PLA2G2D: variants seen among roughly 807,000 people sequenced by gnomAD.
The protein encoded by PLA2G2D is group IID secretory phospholipase A2.
In PLA2G2D, 17 loss-of-function variants were observed where a neutral mutation model predicts 13.9. The observed-to-expected ratio is 1.23, with a 90% CI of 0.84 to 1.84. The LOEUF is 1.84. Among genes scored for constraint, PLA2G2D ranks in the 40% most tolerant of loss-of-function variants. The pLI, the probability that PLA2G2D is intolerant of heterozygous loss-of-function variation, is 0.00. For synonymous variants in PLA2G2D, 83 were observed against 69.3 expected (o/e 1.20, Z -0.98); for missense variants, 194 against 178.7 (o/e 1.09, Z -0.49).
chr1:20,116,309 T>G (rs1218191971), intron 2 of PLA2G2D, 24 bp downstream of exon 2: 1 of 1,612,638 alleles, frequency 6.2e-7, no homozygotes, highest in Non-Finnish European at 8.5e-7. Flanking sequence ...AGTATAGGAT[T>G]GCCAGCCCTG....
At chr1:20,118,955 A>T (rs1323621349) in intron 1 of PLA2G2D, among the ~76,000 whole-genome samples, 2 of 152,216 alleles carry the variant, frequency 1.3e-5, no homozygotes, top group African/African-American at 4.8e-5. Flanking sequence ...TGAGGACAAA[A>T]AGGCCAATTT....
chr1:20,114,830 A>G (rs1569869306), intron 3 of PLA2G2D, among the ~76,000 whole-genome samples: 3 of 152,218 alleles, frequency 2.0e-5, no homozygotes, highest in South Asian at 4.1e-4. Context: ...CACTTAGCCT[A>G]TAGTAAGTGC....
rs1479187812 is a variant in PLA2G2D, at chr1:20,112,023, G to C, written c.*2091C>G. ...ACTCTGTTGCCCAGGCTGGAGTGCA[G>C]TGTCGCGATCTGGGCTCACTGAAAC... is the stretch of plus-strand genomic sequence containing the variant. On this transcript the variant is annotated 3_prime_UTR_variant, in exon 4 of 4. Transcript: ENST00000375105. The C allele has an allele frequency of 2.0e-5, 3 of 151,106 alleles. No individual in the cohort carries two copies. The highest frequency in any genetic ancestry group is 2.9e-5 in the Non-Finnish European group (2 of 67,912). 9.4% of individuals were successfully genotyped at this position (151,106 alleles called of 1,614,324 possible).
chr1:20,115,574 C>T lies in PLA2G2D; in HGVS notation c.225G>A (p.Lys75=), dbSNP rs2016969648. The part of the protein sequence containing the change: ...QTHDCCYDHL[K]TQGCSIYKDY... The stretch of plus-strand genomic sequence containing the variant: ...CCTTGTAGATGCTGCACCCCTGGGT[C>T]TTCAGGTGGTCATAGCAGCAGTCAT... Residue 75 remains lysine (K), a synonymous_variant, in exon 3 of 4, where the codon AAG becomes AAA. Coordinates refer to ENST00000375105, the MANE Select transcript of PLA2G2D (RefSeq NM_012400.4). The T allele has an allele frequency of 6.2e-7, 1 of 1,613,118 alleles. No individual in the cohort carries two copies. Among genetic ancestry groups the T allele is most frequent in the African/African-American group, 1.3e-5 (1 of 74,998 alleles).
chr1:20,117,654 G>A (rs998325546), intron 1 of PLA2G2D, among the ~76,000 whole-genome samples: 10 of 152,134 alleles, frequency 6.6e-5, no homozygotes, highest in African/African-American at 2.4e-4. Context: ...AGCTGTGCCT[G>A]TGTGCAACTC....
chr1:20,115,702 C>T, intron 2 of PLA2G2D, 89 bp from the exon 3 acceptor site: 2 of 836,024 alleles, frequency 2.4e-6, no homozygotes, highest in Non-Finnish European at 2.1e-6. Context: ...CCCGTGTCCC[C>T]ACCTGGGAAG....
chr1:20,115,593 C>G lies in PLA2G2D; in HGVS notation c.206G>C (p.Cys69Ser). ...CTGGGTCTTCAGGTGGTCATAGCAG[C>G]AGTCATGGGTCTGGCAGCACCTGGA... ...ATDWCCQTHD[C>S]CYDHLKTQGC... Residue 69 changes from cysteine (C) to serine (S), a missense_variant, in exon 3 of 4, where the codon TGC (cysteine) becomes TCC (serine). Transcript: ENST00000375105. 6.2e-7 allele frequency: 1 copy of G among 1,611,760 alleles called. No individual in the cohort carries two copies. The highest frequency in any genetic ancestry group is 8.5e-7 in the Non-Finnish European group (1 of 1,177,894).
At chr1:20,117,993 T>C (rs924153481) in intron 1 of PLA2G2D, among the ~76,000 whole-genome samples, 2 of 152,128 alleles carry the variant, frequency 1.3e-5, no homozygotes, top group Non-Finnish European at 2.9e-5. Context: ...CTGTTTGACA[T>C]GGTGCCTCTA....
At chr1:20,117,607 T>C (rs1037490834) in intron 1 of PLA2G2D, among the ~76,000 whole-genome samples, 1 of 152,138 alleles carries the variant, frequency 6.6e-6, no homozygotes, top group Non-Finnish European at 1.5e-5. Flanking sequence ...TGAATTCAAG[T>C]GGGAGGTTGG....
chr1:20,114,597 T>C (rs1406576287), intron 3 of PLA2G2D, among the ~76,000 whole-genome samples: 6 of 152,096 alleles, frequency 3.9e-5, no homozygotes. Context: ...TGAGGAACCA[T>C]GCAGGGCTAG....
chr1:20,119,312 G>A (rs981008524), intron 1 of PLA2G2D, 147 bp downstream of exon 1: 1 of 772,910 alleles, frequency 1.3e-6, no homozygotes, highest in Admixed American at 1.8e-5. Flanking sequence ...GCCACTGAAG[G>A]CTCTTTGCAG....
chr1:20,116,605 C>T (rs940332022), intron 1 of PLA2G2D, 128 bp from the exon 2 acceptor site: 14 of 768,062 alleles, frequency 1.8e-5, no homozygotes, highest in Admixed American at 4.6e-5. Context: ...AATAATAAAA[C>T]GACATCTACT....
chr1:20,115,452 G>A, intron 3 of PLA2G2D, 55 bp downstream of exon 3: 1 of 1,005,178 alleles, frequency 9.9e-7, no homozygotes, highest in South Asian at 1.3e-5. Flanking sequence ...GGCAGTGGGG[G>A]CCAGATCTCC....
rs1357892402 is a variant in PLA2G2D at position 20,112,610 on chromosome 1, C to T, written c.*1504G>A. 6.6e-6 allele frequency: 1 copy of T among 152,192 alleles called. No individual in the cohort carries two copies. Among genetic ancestry groups the T allele is most frequent in the East Asian group, 1.9e-4 (1 of 5,186 alleles). 9.4% of individuals were successfully genotyped at this position (152,192 alleles called of 1,614,324 possible). The stretch of plus-strand genomic sequence containing the variant: ...GTCCTCATAGGAAAAAGTTGTCCCT[C>T]TTCAGTCTCTTTCCTTAGAAGCAGA... On this transcript the variant is annotated 3_prime_UTR_variant, in exon 4 of 4. Coordinates refer to ENST00000375105, the MANE Select transcript of PLA2G2D (RefSeq NM_012400.4).
At chr1:20,116,660 G>A (rs487904) in intron 1 of PLA2G2D, among the ~76,000 whole-genome samples, 183 bp from the exon 2 acceptor site, 53,665 of 151,842 alleles carry the variant, frequency 0.35, 9,765 homozygotes, top group South Asian at 0.43. Flanking sequence ...AGTGGCTCAC[G>A]TCTGTAATCC....
intron 1 of PLA2G2D, among the ~76,000 whole-genome samples, chr1:20,116,749 G>A (rs1318936292): frequency 6.6e-6 from 1 of 152,122 alleles, no homozygotes; most frequent in Admixed American, 6.5e-5. Flanking sequence ...GAGAGGCCAA[G>A]GTGGGCAGAT....
At chr1:20,119,284 C>T (rs2100677352) in intron 1 of PLA2G2D, among the ~76,000 whole-genome samples, 175 bp downstream of exon 1, 1 of 152,310 alleles carries the variant, frequency 6.6e-6, no homozygotes, top group South Asian at 2.1e-4. Context: ...CTGAAGCTAC[C>T]ATGCTAGGAG....
chr1:20,117,012 T>C (rs1216513728), intron 1 of PLA2G2D, among the ~76,000 whole-genome samples: 1 of 152,110 alleles, frequency 6.6e-6, no homozygotes, highest in Non-Finnish European at 1.5e-5. Context: ...TTCTTTTGTA[T>C]TGATTTCTCG....
Position 20,115,489 on chromosome 1 carries a change from T to A in PLA2G2D, c.292+18A>T, listed in dbSNP as rs1207519258. 1 of 1,410,888 alleles carries A rather than the reference T, an allele frequency of 7.1e-7. No homozygotes were observed. Among genetic ancestry groups the A allele is most frequent in the East Asian group, 2.3e-5 (1 of 43,854 alleles). The allele number at this position is 1,410,888 out of a possible 1,614,324, so 87.4% of individuals were successfully genotyped here. ...TTCCTGGGGTCTCCAGCTCCTGCCC[T>A]GAGGTCTGCGTACTCACAGCAGTGG... On this transcript the variant is annotated intron_variant, in intron 3 of 3. Transcript: ENST00000375105.
Sources: allele counts gnomAD v4.1 joint callset (sites outside exome capture counted in the v4.1 genomes callset), GRCh38; gene constraint gnomAD v4.1.1; transcripts MANE v1.5; gene names NCBI Gene and HGNC (gene_info 2026-07-23, HGNC 2026-07-21).